The following LSAMP variants were observed in gnomAD, a reference collection of about 807,000 sequenced individuals.
The protein encoded by LSAMP is limbic system-associated membrane protein.
LSAMP carries 7 observed loss-of-function variants against 38.6 expected under a neutral mutation model. The ratio of observed to expected loss-of-function variants is 0.18; its 90% CI spans 0.10 to 0.34. The LOEUF is 0.34. Among genes scored for constraint, LSAMP ranks in the 10% least tolerant of loss-of-function variants. The pLI, the probability that LSAMP is intolerant of heterozygous loss-of-function variation, is 1.00. For synonymous variants in LSAMP, 154 were observed against 166.8 expected, an observed-to-expected ratio of 0.92 and a Z score of 0.59; for missense variants, 313 against 420.0, an observed-to-expected ratio of 0.75 and a Z score of 2.23.
chr3:116,253,354 G>T (rs1024934121), intron 1 of LSAMP, among the ~76,000 whole-genome samples: 2 of 152,130 alleles, frequency 1.3e-5, no homozygotes, highest in African/African-American at 4.8e-5. Flanking sequence ...CCCAAACAAA[G>T]AGTTCCTATG....
chr3:116,443,906 CA>C (rs1225978564), intron 1 of LSAMP, among the ~76,000 whole-genome samples: 3 of 152,066 alleles, frequency 2.0e-5, no homozygotes, highest in African/African-American at 7.2e-5. Flanking sequence ...AAGAGAAGCA[CA>C]AAAAATAACC....
Position 116,083,474 on chromosome 3 carries a change from A to G in LSAMP, c.388+2850T>C, listed in dbSNP as rs147223119. Among the ~76,000 whole-genome samples, 429 of 152,336 alleles carry G rather than the reference A, an allele frequency of 2.8e-3. 1 individual carries two copies. The highest frequency in any genetic ancestry group is 1.0e-2 in the African/African-American group (415 of 41,578). ...TACCCCCAAAGTGTATTTAAACAGCAAGAATGAAAACAGATTTGAATCAAG... is the reference window on the plus strand; with the variant it reads ...TACCCCCAAAGTGTATTTAAACAGCGAGAATGAAAACAGATTTGAATCAAG... On this transcript the variant is annotated intron_variant, in intron 2 of 6. Transcript: ENST00000490035.
intron 1 of LSAMP, among the ~76,000 whole-genome samples, chr3:116,170,926 G>A (rs1710182673): frequency 6.6e-6 from 1 of 151,680 alleles, no homozygotes; most frequent in Non-Finnish European, 1.5e-5. Flanking sequence ...TCAATCCTGA[G>A]GTGCAAGAAA....
chr3:116,445,235 C>G lies in LSAMP; in HGVS notation c.-204G>C. The G allele has an allele frequency of 1.7e-6, 1 of 595,326 alleles. No homozygotes were observed. Among genetic ancestry groups the G allele is most frequent in the Non-Finnish European group, 3.0e-6 (1 of 335,462 alleles). The allele number at this position is 595,326 out of a possible 1,614,324, so 36.9% of individuals were successfully genotyped here. ...AGACTTAACAAAGCCCTCATAAAAC[C>G]CAAGCAGAAGGGTGAAAAGTAAAAG... On this transcript the variant is annotated 5_prime_UTR_variant, in exon 1 of 7. Transcript: ENST00000490035.
chr3:116,071,866 T>C (rs1707613458), intron 2 of LSAMP, among the ~76,000 whole-genome samples: 1 of 152,190 alleles, frequency 6.6e-6, no homozygotes, highest in Non-Finnish European at 1.5e-5. Context: ...TTTCTGTTAC[T>C]GCATTAGTTT....
intron 2 of LSAMP, among the ~76,000 whole-genome samples, chr3:116,056,008 G>A (rs1941485165): frequency 6.6e-6 from 1 of 152,052 alleles, no homozygotes; most frequent in African/African-American, 2.4e-5. Context: ...TATTGAGGGA[G>A]CAGCTTCATT....
chr3:116,434,609 A>G (rs2049323050), intron 1 of LSAMP, among the ~76,000 whole-genome samples: 1 of 152,184 alleles, frequency 6.6e-6, no homozygotes, highest in Non-Finnish European at 1.5e-5. Context: ...ACTGGAGTGC[A>G]GTGGCGCGAT....
chr3:115,969,622 CA>C (rs1242287792), intron 3 of LSAMP, among the ~76,000 whole-genome samples: 2 of 152,200 alleles, frequency 1.3e-5, no homozygotes, highest in Admixed American at 1.3e-4. Context: ...CCTTCACCAC[CA>C]TCTTGGTATC....
chr3:116,313,005 G>A (rs1367798086), intron 1 of LSAMP, among the ~76,000 whole-genome samples: 5 of 152,176 alleles, frequency 3.3e-5, no homozygotes, highest in South Asian at 2.1e-4. Flanking sequence ...TGTTAAGGAC[G>A]CAGTTGCACA....
At chr3:115,839,509 T>C (rs1236023936) in intron 6 of LSAMP, among the ~76,000 whole-genome samples, 1 of 152,082 alleles carries the variant, frequency 6.6e-6, no homozygotes, top group Non-Finnish European at 1.5e-5. Flanking sequence ...CCCAAAATGT[T>C]TGTTCTTAGG....
chr3:116,367,652 C>T (rs2048372281), intron 1 of LSAMP, among the ~76,000 whole-genome samples: 1 of 151,676 alleles, frequency 6.6e-6, no homozygotes, highest in African/African-American at 2.4e-5. Flanking sequence ...TTACAGGCAT[C>T]GTCTGCCACC....
chr3:116,240,616 ATAGC>A (rs901450193), intron 1 of LSAMP, among the ~76,000 whole-genome samples: 1 of 152,236 alleles, frequency 6.6e-6, no homozygotes, highest in African/African-American at 2.4e-5. Context: ...AATGATCCAT[ATAGC>A]TAGCAGCACC....
chr3:115,877,292 A>T (rs576746747), intron 3 of LSAMP, among the ~76,000 whole-genome samples: 7 of 150,714 alleles, frequency 4.6e-5, no homozygotes, highest in African/African-American at 1.7e-4. Context: ...CCTCCCTCCC[A>T]CCCTCATGCC....
At chr3:116,208,229 T>C (rs1248204551) in intron 1 of LSAMP, among the ~76,000 whole-genome samples, 193 of 151,334 alleles carry the variant, frequency 1.3e-3, no homozygotes, top group African/African-American at 3.8e-3. Flanking sequence ...ACGTAGTTCT[T>C]GAGCCTTGGT....
intron 1 of LSAMP, among the ~76,000 whole-genome samples, chr3:116,296,583 T>C (rs1230885279): frequency 1.3e-5 from 2 of 150,292 alleles, no homozygotes; most frequent in African/African-American, 2.5e-5. Flanking sequence ...TAGTCCCAGC[T>C]ACTCGGGAGG....
chr3:116,281,137 A>G lies in LSAMP; in HGVS notation c.155+163740T>C, dbSNP rs530725154. Reference sequence around the variant, plus strand: ...AGGGATTCCTGAAACAAAGGAAGACATGAAGTACAGAAAATTAGAACAGAA... The same window carrying G: ...AGGGATTCCTGAAACAAAGGAAGACGTGAAGTACAGAAAATTAGAACAGAA... On this transcript the variant is annotated intron_variant, in intron 1 of 6. Transcript: ENST00000490035. Among the ~76,000 whole-genome samples, 16 of 152,326 alleles carry G rather than the reference A, an allele frequency of 1.1e-4. 1 individual carries two copies. The South Asian group carries it at 2.7e-3, about 26-fold the overall frequency.
chr3:116,141,332 C>A (rs79528226), intron 1 of LSAMP, among the ~76,000 whole-genome samples: 1 of 151,546 alleles, frequency 6.6e-6, no homozygotes, highest in South Asian at 2.1e-4. Flanking sequence ...GAAGGGGATG[C>A]GGAGAAGAGT....
At chr3:116,304,782 G>T (rs2047460087) in intron 1 of LSAMP, among the ~76,000 whole-genome samples, 1 of 152,080 alleles carries the variant, frequency 6.6e-6, no homozygotes, top group African/African-American at 2.4e-5. Flanking sequence ...GGTGCTGACG[G>T]TATCACAGTG....
intron 1 of LSAMP, among the ~76,000 whole-genome samples, chr3:116,407,985 CCTAATGTAAG>C (rs1251476927): frequency 6.6e-6 from 1 of 151,854 alleles, no homozygotes; most frequent in Non-Finnish European, 1.5e-5. Context: ...TACATCAGAG[CCTAATGTAAG>C]CTTATTAAGG....
Sources: gnomAD v4.1 joint callset for allele counts (sites outside exome capture counted in the v4.1 genomes callset) on GRCh38, gnomAD v4.1.1 for gene constraint, MANE v1.5 for transcripts, NCBI Gene and HGNC (gene_info 2026-07-23, HGNC 2026-07-21) for gene names.